Variants in SUGCT observed in about 807,000 individuals in gnomAD.
The protein encoded by SUGCT is succinyl-CoA:glutarate CoA-transferase.
SUGCT carries 41 observed loss-of-function variants against 55.0 expected under a neutral mutation model. The ratio of observed to expected loss-of-function variants is 0.74; its 90% CI spans 0.58 to 0.97. SUGCT has a LOEUF of 0.97. Among genes scored for constraint, SUGCT ranks in the 50% least tolerant of loss-of-function variants. SUGCT has a pLI of 0.00. For missense variants in SUGCT, 568 were observed against 547.8 expected (o/e 1.04, Z -0.37); for synonymous variants, 187 against 200.4 (o/e 0.93, Z 0.56).
intron 9 of SUGCT, among the ~76,000 whole-genome samples, chr7:40,347,858 G>A (rs924757543): frequency 6.6e-6 from 1 of 152,162 alleles, no homozygotes; most frequent in Admixed American, 6.5e-5. Context: ...CGTTGTTCTA[G>A]TTACTCATGT....
At chr7:40,828,483 C>A (rs1180741374) in intron 13 of SUGCT, among the ~76,000 whole-genome samples, 1 of 151,252 alleles carries the variant, frequency 6.6e-6, no homozygotes, top group East Asian at 2.0e-4. Flanking sequence ...CATATTGGGG[C>A]TTCCAAAGCA....
chr7:40,228,543 C>G (rs1252007973), intron 6 of SUGCT, among the ~76,000 whole-genome samples: 1 of 151,700 alleles, frequency 6.6e-6, no homozygotes, highest in African/African-American at 2.4e-5. Flanking sequence ...GCCAAAAATA[C>G]TTCATAGAAG....
chr7:40,569,833 C>A (rs907455650), intron 12 of SUGCT, among the ~76,000 whole-genome samples: 1 of 152,136 alleles, frequency 6.6e-6, no homozygotes, highest in Non-Finnish European at 1.5e-5. Flanking sequence ...ACCTTTTAAT[C>A]ATGTTAAGCC....
rs562630212 is a variant in SUGCT at position 40,289,231 on chromosome 7, T to G, written c.720+14575T>G. 4.6e-5 allele frequency among the ~76,000 whole-genome samples: 7 copies of G among 152,226 alleles called. No individual in the cohort carries two copies. In the East Asian group the frequency reaches 1.2e-3, roughly 25 times the overall value. On this transcript the variant is annotated intron_variant, in intron 8 of 13. Coordinates refer to ENST00000335693, the MANE Select transcript of SUGCT (RefSeq NM_001193313.2). ...CCTAATGAAACTAAAAAAAAAAGGTTCTTGTAAGAGAGAGGCGAGAGTATC... is the reference window on the plus strand; with the variant it reads ...CCTAATGAAACTAAAAAAAAAAGGTGCTTGTAAGAGAGAGGCGAGAGTATC...
At chr7:40,292,781 C>T (rs1026120491) in intron 8 of SUGCT, among the ~76,000 whole-genome samples, 7 of 152,032 alleles carry the variant, frequency 4.6e-5, no homozygotes, top group African/African-American at 1.7e-4. Flanking sequence ...TCTTGTAAGC[C>T]CCTGAGGGAA....
At chr7:40,724,133 A>G (rs1786489288) in intron 12 of SUGCT, among the ~76,000 whole-genome samples, 1 of 152,254 alleles carries the variant, frequency 6.6e-6, no homozygotes, top group Non-Finnish European at 1.5e-5. Flanking sequence ...TAAGGCAAAA[A>G]AAATGAGCAC....
At chr7:40,594,955 G>T (rs1469604947) in intron 12 of SUGCT, among the ~76,000 whole-genome samples, 1 of 152,050 alleles carries the variant, frequency 6.6e-6, no homozygotes, top group African/African-American at 2.4e-5. Context: ...GAAGTTTATG[G>T]GCAAAGTCTC....
intron 9 of SUGCT, among the ~76,000 whole-genome samples, chr7:40,327,729 T>C (rs1164739532): frequency 6.6e-6 from 1 of 152,238 alleles, no homozygotes; most frequent in African/African-American, 2.4e-5. Context: ...ATGCCTAACA[T>C]ATTTGGCTAA....
chr7:40,470,747 G>GTCTC (rs34012862), intron 11 of SUGCT, among the ~76,000 whole-genome samples: 6,492 of 146,320 alleles, frequency 0.044, 191 homozygotes, highest in African/African-American at 0.097. Context: ...TAAGTGAACA[G>GTCTC]TCTCTCTCTC....
chr7:40,595,869 A>C (rs1330217494), intron 12 of SUGCT, among the ~76,000 whole-genome samples: 1 of 152,190 alleles, frequency 6.6e-6, no homozygotes. Flanking sequence ...TCTTAAGTTT[A>C]GTAGCTTAAG....
chr7:40,822,651 T>C (rs1413169603), intron 13 of SUGCT, among the ~76,000 whole-genome samples: 2 of 152,162 alleles, frequency 1.3e-5, no homozygotes, highest in South Asian at 2.1e-4. Context: ...GAGAAAATGA[T>C]TGATAGACTG....
chr7:40,909,600 C>A, the SUGCT span, among the ~76,000 whole-genome samples: 2 of 152,180 alleles, frequency 1.3e-5, no homozygotes, highest in African/African-American at 4.8e-5. Flanking sequence ...TGGAGTTCTC[C>A]TTCACTAACG....
At chr7:40,829,261 GACT>G (rs915374013) in intron 13 of SUGCT, among the ~76,000 whole-genome samples, 8 of 152,232 alleles carry the variant, frequency 5.3e-5, no homozygotes, top group Admixed American at 5.2e-4. Flanking sequence ...AATCCATAAG[GACT>G]GCTGCTGCTG....
intron 9 of SUGCT, among the ~76,000 whole-genome samples, chr7:40,387,662 A>C (rs1311318191): frequency 2.0e-5 from 3 of 152,074 alleles, no homozygotes; most frequent in Admixed American, 1.3e-4. Flanking sequence ...GTGGTGTACA[A>C]ATGAGTTCTC....
chr7:40,400,392 G>A (rs1197852827), intron 9 of SUGCT, among the ~76,000 whole-genome samples: 3 of 152,172 alleles, frequency 2.0e-5, no homozygotes, highest in African/African-American at 7.2e-5. Flanking sequence ...CTGGCTGAAG[G>A]CAAAGGAGGA....
chr7:40,553,482 AT>A (rs543799368), intron 12 of SUGCT, among the ~76,000 whole-genome samples: 1 of 152,126 alleles, frequency 6.6e-6, no homozygotes, highest in Non-Finnish European at 1.5e-5. Flanking sequence ...TAATTTTTTT[AT>A]TTTTTATAAT....
Position 40,374,517 on chromosome 7 carries a change from T to C in SUGCT, c.816+57662T>C, listed in dbSNP as rs182479656. ...TCAGCACAAATTTTCTGGGAGGAATTGTTCTTGCAAGACAGAGGAAAGGTA... is the reference window on the plus strand; with the variant it reads ...TCAGCACAAATTTTCTGGGAGGAATCGTTCTTGCAAGACAGAGGAAAGGTA... On this transcript the variant is annotated intron_variant, in intron 9 of 13. Transcript: ENST00000335693. Among the ~76,000 whole-genome samples the C allele has an allele frequency of 5.2e-3, 786 of 152,238 alleles. 9 individuals carry two copies. The highest frequency in any genetic ancestry group is 0.017 in the African/African-American group (727 of 41,550).
intron 12 of SUGCT, among the ~76,000 whole-genome samples, chr7:40,650,572 C>T (rs1800728706): frequency 6.6e-6 from 1 of 152,158 alleles, no homozygotes; most frequent in Non-Finnish European, 1.5e-5. Flanking sequence ...ATCCCATGGA[C>T]ATGTTTTAGC....
intron 9 of SUGCT, among the ~76,000 whole-genome samples, chr7:40,384,555 A>ATT (rs879310384): frequency 6.9e-6 from 1 of 145,784 alleles, no homozygotes; most frequent in Admixed American, 6.9e-5. Flanking sequence ...TTAGTCAGTA[A>ATT]TTTTTTTTTT....
Sources: gnomAD v4.1 joint callset for allele counts (sites outside exome capture counted in the v4.1 genomes callset) on GRCh38, gnomAD v4.1.1 for gene constraint, MANE v1.5 for transcripts, NCBI Gene and HGNC (gene_info 2026-07-23, HGNC 2026-07-21) for gene names.